LOC102723971: variants seen among roughly 807,000 people sequenced by gnomAD.
chr9:135,616,451 G>A, the LOC102723971 span: 97,822 of 395,276 alleles, frequency 0.25, 14,351 homozygotes, highest in Middle Eastern at 0.4. Flanking sequence ...CCCCGGGGAG[G>A]ACAGGAGGGC....
At chr9:135,617,022 T>C in the LOC102723971 span, 1 of 398,602 alleles carries the variant, frequency 2.5e-6, no homozygotes, top group Non-Finnish European at 4.4e-6. Flanking sequence ...GCTGGGTAAG[T>C]GGCCAGCTCT....
the LOC102723971 span, chr9:135,614,230 C>T: frequency 5.0e-6 from 2 of 398,482 alleles, no homozygotes; most frequent in Non-Finnish European, 8.8e-6. Context: ...GCTCCCCCTT[C>T]CCCGGAGCCA....
At chr9:135,619,702 G>T in the LOC102723971 span, among the ~76,000 whole-genome samples, 1 of 152,110 alleles carries the variant, frequency 6.6e-6, no homozygotes, top group Non-Finnish European at 1.5e-5. Context: ...CTGAAGGGCG[G>T]CGCCCACTTC....
the LOC102723971 span, among the ~76,000 whole-genome samples, chr9:135,614,591 G>C: frequency 1.4e-4 from 22 of 152,148 alleles, no homozygotes; most frequent in Admixed American, 1.2e-3. Flanking sequence ...CCCTCTCTCC[G>C]GGCTGCGGAA....
chr9:135,619,542 T>C, the LOC102723971 span, among the ~76,000 whole-genome samples: 1 of 152,108 alleles, frequency 6.6e-6, no homozygotes, highest in Non-Finnish European at 1.5e-5. Flanking sequence ...CAAACGCATA[T>C]GTCCCCACTG....
chr9:135,617,137 C>T, the LOC102723971 span: 145 of 395,600 alleles, frequency 3.7e-4, no homozygotes, highest in Middle Eastern at 3.2e-3. Context: ...TGGGAGGGGG[C>T]CTTCTGTGCA....
At chr9:135,616,491 T>C in the LOC102723971 span, 1 of 397,318 alleles carries the variant, frequency 2.5e-6, no homozygotes, top group Non-Finnish European at 4.4e-6. Flanking sequence ...CAGTGTCCCC[T>C]GGTGGAGAGC....
chr9:135,618,796 A>G, the LOC102723971 span: 9 of 397,218 alleles, frequency 2.3e-5, no homozygotes, highest in South Asian at 1.1e-3. Flanking sequence ...CACAGCCAAC[A>G]TGGGGAGGCA....
chr9:135,618,286 C>G, the LOC102723971 span, among the ~76,000 whole-genome samples: 1 of 152,154 alleles, frequency 6.6e-6, no homozygotes, highest in East Asian at 1.9e-4. Flanking sequence ...GTAACAAGGC[C>G]AAGTTGCACA....
chr9:135,616,485 G>A, the LOC102723971 span: 1 of 397,144 alleles, frequency 2.5e-6, no homozygotes, highest in Non-Finnish European at 4.4e-6. Context: ...CAGCCACAGT[G>A]TCCCCTGGTG....
At chr9:135,615,479 G>A in the LOC102723971 span, 1 of 398,726 alleles carries the variant, frequency 2.5e-6, no homozygotes, top group Non-Finnish European at 4.4e-6. Flanking sequence ...CGGGGACGTG[G>A]ACTTCGTGCT....
At chr9:135,615,346 G>T in the LOC102723971 span, 1 of 398,554 alleles carries the variant, frequency 2.5e-6, no homozygotes, top group African/African-American at 2.1e-5. Flanking sequence ...CTCTGCCCCG[G>T]CCCACACCCC....
chr9:135,616,916 C>T, the LOC102723971 span: 41 of 398,560 alleles, frequency 1.0e-4, no homozygotes, highest in African/African-American at 7.0e-4. Flanking sequence ...CAGTCGAGGG[C>T]GGCAGCATGC....
chr9:135,615,140 A>G, the LOC102723971 span, among the ~76,000 whole-genome samples: 1 of 152,184 alleles, frequency 6.6e-6, no homozygotes, highest in Non-Finnish European at 1.5e-5. Flanking sequence ...CTCAGTGCCG[A>G]ACCTGGGGCC....
At chr9:135,615,445 C>T in the LOC102723971 span, 1 of 398,660 alleles carries the variant, frequency 2.5e-6, no homozygotes, top group African/African-American at 2.1e-5. Flanking sequence ...GGCTCGCTCT[C>T]CACTCCATCC....
the LOC102723971 span, chr9:135,618,945 C>T: frequency 1.0e-5 from 4 of 399,492 alleles, no homozygotes; most frequent in Non-Finnish European, 1.8e-5. Flanking sequence ...CCATGTCCCC[C>T]ACCCTGAGCC....
At chr9:135,618,045 G>A in the LOC102723971 span, 85 of 398,738 alleles carry the variant, frequency 2.1e-4, no homozygotes, top group East Asian at 3.0e-3. Flanking sequence ...AACATAGATG[G>A]TGAGCACTGT....
the LOC102723971 span, among the ~76,000 whole-genome samples, chr9:135,615,138 C>T: frequency 1.3e-5 from 2 of 152,332 alleles, no homozygotes; most frequent in African/African-American, 2.4e-5. Context: ...TGCTCAGTGC[C>T]GAACCTGGGG....
chr9:135,618,027 C>T, the LOC102723971 span: 2 of 398,704 alleles, frequency 5.0e-6, no homozygotes, highest in Non-Finnish European at 8.8e-6. Context: ...CAGAAAGCCC[C>T]GGTCTTCAAC....
Sources: gnomAD v4.1 joint callset for allele counts (sites outside exome capture counted in the v4.1 genomes callset) on GRCh38, gnomAD v4.1.1 for gene constraint, MANE v1.5 for transcripts.